Variants in HMCN1 observed in about 807,000 individuals in gnomAD.
HMCN1 encodes hemicentin 1, also known as hemicentin-1.
A neutral mutation model predicts 625.9 loss-of-function variants in HMCN1; 321 were observed. That is an observed-to-expected ratio of 0.51 (90% confidence interval 0.47 to 0.56). The LOEUF (loss-of-function observed/expected upper bound fraction) is 0.56, where lower values mean the gene tolerates loss of function less well. Ranked by LOEUF, HMCN1 falls within the 20% of genes least tolerant of loss-of-function variation. HMCN1 has a pLI of 0.00. For synonymous variants in HMCN1, 2,425 were observed against 2,417.6 expected (o/e 1.00, Z -0.09); for missense variants, 6,588 against 6,887.3 (o/e 0.96, Z 1.54).
At chr1:186,075,712 A>T (rs1264965255) in intron 53 of HMCN1, among the ~76,000 whole-genome samples, 1 of 152,152 alleles carries the variant, frequency 6.6e-6, no homozygotes, top group African/African-American at 2.4e-5. Flanking sequence ...AAAAATATTT[A>T]TTTAACCAGA....
chr1:185,985,453 G>T (rs1038139150), intron 19 of HMCN1, among the ~76,000 whole-genome samples: 3 of 152,110 alleles, frequency 2.0e-5, no homozygotes, highest in Non-Finnish European at 4.4e-5. Flanking sequence ...TGTTGGATAG[G>T]ATTCTGAGGC....
chr1:185,779,262 G>C (rs1221181083), intron 1 of HMCN1, among the ~76,000 whole-genome samples: 1 of 152,140 alleles, frequency 6.6e-6, no homozygotes, highest in East Asian at 1.9e-4. Context: ...TGTCAGATGA[G>C]TAGATTGCAA....
intron 15 of HMCN1, 31 bp from the exon 16 acceptor site, chr1:185,977,756 T>C (rs760565690): frequency 2.9e-6 from 4 of 1,380,838 alleles, no homozygotes; most frequent in Non-Finnish European, 4.1e-6. Flanking sequence ...AATATACCGA[T>C]GACTTATTTG....
At chr1:185,826,497 A>G (rs970100027) in intron 1 of HMCN1, among the ~76,000 whole-genome samples, 1 of 152,196 alleles carries the variant, frequency 6.6e-6, no homozygotes, top group Non-Finnish European at 1.5e-5. Context: ...CGAGACAGCC[A>G]TTTATGAAGA....
chr1:185,972,453 T>C (rs1252987541), intron 15 of HMCN1, among the ~76,000 whole-genome samples: 3 of 152,226 alleles, frequency 2.0e-5, no homozygotes, highest in African/African-American at 7.2e-5. Context: ...TTATGCTTTA[T>C]TTCTTGAACA....
intron 39 of HMCN1, among the ~76,000 whole-genome samples, 180 bp from the exon 40 acceptor site, chr1:186,040,833 C>T: frequency 7.0e-6 from 1 of 141,846 alleles, no homozygotes; most frequent in South Asian, 2.1e-4. Flanking sequence ...TCTTAACATC[C>T]TTCCACTGAG....
At position 186,086,289 on chromosome 1, in the gene HMCN1, C is replaced by A; in HGVS notation, c.8928C>A (p.Val2976=). ...GTCCTAAATCTGAAAATCTTACCGT[C>A]GTGGTGAACAATTTCATCTCTTTGA... ...VIGPKSENLT[V]VVNNFISLTC... Residue 2976 remains valine, a synonymous_variant, in exon 58 of 107, where the codon GTC becomes GTA. Coordinates refer to ENST00000271588, the MANE Select transcript of HMCN1 (RefSeq NM_031935.3). The A allele has an allele frequency of 6.2e-7, 1 of 1,613,054 alleles. No individual in the cohort carries two copies. Among genetic ancestry groups the A allele is most frequent in the Non-Finnish European group, 8.5e-7 (1 of 1,179,308 alleles).
At chr1:185,851,412 G>T (rs1662151953) in intron 2 of HMCN1, among the ~76,000 whole-genome samples, 1 of 152,036 alleles carries the variant, frequency 6.6e-6, no homozygotes, top group African/African-American at 2.4e-5. Flanking sequence ...GAATTAACGT[G>T]AGAAAAAGCA....
In HMCN1 at chr1:185,820,634, ATATT is replaced by A. The variant is rs540059759; in HGVS notation, c.269-25389_269-25386del. ...AGTAAATTTTTAAACAGTCTAAAAT[ATATT>A]TAAACTTGTGGTGCATATTAGTCTT... On this transcript the variant is annotated intron_variant, in intron 1 of 106. Transcript: ENST00000271588. 2.6e-5 allele frequency among the ~76,000 whole-genome samples: 4 copies of A among 152,280 alleles called. No homozygotes were observed. In the South Asian group the frequency reaches 8.3e-4, roughly 32 times the overall value.
chr1:185,980,758 C>T (rs1458315883), intron 16 of HMCN1, among the ~76,000 whole-genome samples: 2 of 152,182 alleles, frequency 1.3e-5, no homozygotes, highest in Admixed American at 1.3e-4. Flanking sequence ...CTCCAATTGC[C>T]TTTCATGCAG....
chr1:185,783,737 A>C lies in HMCN1; in HGVS notation c.268+48690A>C, dbSNP rs370836371. On this transcript the variant is annotated intron_variant, in intron 1 of 106. Transcript: ENST00000271588. ...TCTCAGAGGGGTACCCGGCCATGTG[A>C]GGTGTCAGTCTGCCCCTACTGGGTG... 7.5e-4 allele frequency among the ~76,000 whole-genome samples: 114 copies of C among 152,234 alleles called. 1 individual carries two copies. Among genetic ancestry groups the C allele is most frequent in the South Asian group, 4.1e-4 (2 of 4,828 alleles).
At chr1:186,136,443 T>C (rs1468629398) in intron 86 of HMCN1, among the ~76,000 whole-genome samples, 3 of 152,110 alleles carry the variant, frequency 2.0e-5, no homozygotes, top group Non-Finnish European at 4.4e-5. Flanking sequence ...GAGCCCATGC[T>C]CTAGGCTAAT....
chr1:186,061,639 T>A (rs1657709750), intron 46 of HMCN1, among the ~76,000 whole-genome samples: 1 of 152,170 alleles, frequency 6.6e-6, no homozygotes, highest in Non-Finnish European at 1.5e-5. Flanking sequence ...TTATATTTAT[T>A]TTTTTATCTA....
chr1:186,016,167 C>A lies in HMCN1; in HGVS notation c.5119C>A (p.Arg1707=). 1 of 1,613,292 alleles carries A rather than the reference C, an allele frequency of 6.2e-7. No individual in the cohort carries two copies. Among genetic ancestry groups the A allele is most frequent in the Non-Finnish European group, 8.5e-7 (1 of 1,179,482 alleles). Residue 1707 remains arginine (R), a synonymous_variant, in exon 32 of 107, where the codon CGA becomes AGA. Coordinates refer to ENST00000271588, the MANE Select transcript of HMCN1 (RefSeq NM_031935.3). The stretch of plus-strand genomic sequence containing the variant: ...AATCATGAGTGCCCAAGAAATTGAT[C>A]GAGGACAGTACATATGCGTGGCTAC... The part of the protein sequence containing the change: ...LEIMSAQEID[R]GQYICVATSV...
chr1:186,074,948 GA>G, intron 53 of HMCN1, 57 bp downstream of exon 53: 6 of 1,410,072 alleles, frequency 4.3e-6, no homozygotes, highest in Non-Finnish European at 6.0e-6. Context: ...CAAAGTAAAA[GA>G]AAAGAGATTT....
chr1:185,762,379 G>T (rs1202021005), intron 1 of HMCN1, among the ~76,000 whole-genome samples: 1 of 152,050 alleles, frequency 6.6e-6, no homozygotes, highest in Non-Finnish European at 1.5e-5. Flanking sequence ...ACATCCTCTG[G>T]GTACTTGTAA....
chr1:185,817,913 G>C (rs765545534), intron 1 of HMCN1, among the ~76,000 whole-genome samples: 8 of 152,118 alleles, frequency 5.3e-5, no homozygotes, highest in Non-Finnish European at 7.4e-5. Flanking sequence ...GTCCTTTACA[G>C]CTACTATGCT....
At position 186,003,695 on chromosome 1, in the gene HMCN1, A is replaced by C. The variant is rs115877233; in HGVS notation, c.4349-23A>C. The C allele has an allele frequency of 2.1e-3, 3,335 of 1,612,314 alleles. 69 individuals are homozygous for C. In the African/African-American group the frequency reaches 0.039, roughly 19 times the overall value. On this transcript the variant is annotated intron_variant, in intron 28 of 106. Transcript: ENST00000271588. ...TCTTTTTGCTGAGTAACAGAGTTTCATAATACACTGTCTTTGTTCAAGTTC... is the reference window on the plus strand; with the variant it reads ...TCTTTTTGCTGAGTAACAGAGTTTCCTAATACACTGTCTTTGTTCAAGTTC...
At chr1:185,989,772 ATTTTTTTTT>A (rs1156913510) in intron 21 of HMCN1, 125 bp downstream of exon 21, 2 of 535,478 alleles carry the variant, frequency 3.7e-6, no homozygotes, top group Non-Finnish European at 6.1e-6. Flanking sequence ...CCAGATTTCT[ATTTTTTTTT>A]TTTTTTTTTT....
Sources: gnomAD v4.1 joint callset for allele counts (sites outside exome capture counted in the v4.1 genomes callset) on GRCh38, gnomAD v4.1.1 for gene constraint, MANE v1.5 for transcripts, NCBI Gene and HGNC (gene_info 2026-07-23, HGNC 2026-07-21) for gene names.